The following TRABD2B variants were observed in gnomAD, a reference collection of about 807,000 sequenced individuals.
The protein encoded by TRABD2B is metalloprotease TIKI2.
TRABD2B carries 14 observed loss-of-function variants against 40.1 expected under a neutral mutation model. The ratio of observed to expected loss-of-function variants is 0.35; its 90% CI spans 0.23 to 0.55. The LOEUF (loss-of-function observed/expected upper bound fraction) is 0.55. Among genes scored for constraint, TRABD2B ranks in the 20% least tolerant of loss-of-function variants. The pLI, the probability that TRABD2B is intolerant of heterozygous loss-of-function variation, is 0.90. For synonymous variants in TRABD2B, 263 were observed against 277.0 expected, an observed-to-expected ratio of 0.95 and a Z score of 0.50; for missense variants, 541 against 648.6, an observed-to-expected ratio of 0.83 and a Z score of 1.80.
intron 2 of TRABD2B, among the ~76,000 whole-genome samples, chr1:47,888,126 G>A (rs1038928620): frequency 1.1e-4 from 16 of 152,308 alleles, no homozygotes; most frequent in African/African-American, 3.6e-4. Context: ...GTCCCCAGAC[G>A]GCTGGGGAGG....
At chr1:47,846,565 G>A (rs1307114589) in intron 2 of TRABD2B, among the ~76,000 whole-genome samples, 2 of 152,192 alleles carry the variant, frequency 1.3e-5, no homozygotes, top group Non-Finnish European at 2.9e-5. Flanking sequence ...GGGAGGTTGA[G>A]TGAGACAGTG....
rs996684632 is a variant in TRABD2B, at chr1:47,765,231, C to T, written c.*671G>A. The T allele has an allele frequency of 2.0e-5, 3 of 152,480 alleles. No individual in the cohort carries two copies. The highest frequency in any genetic ancestry group is 4.4e-5 in the Non-Finnish European group (3 of 68,280). The allele number at this position is 152,480 out of a possible 1,614,324, so 9.4% of individuals were successfully genotyped here. A position where few individuals can be genotyped will look rare whatever the true frequency, so the allele number is the denominator to read the frequency against. The stretch of plus-strand genomic sequence containing the variant: ...TGTTCTGTGGGGTGGGGACTGCTTT[C>T]CTCAGCACCAGTATCCCACCTCCCA... On this transcript the variant is annotated 3_prime_UTR_variant, in exon 7 of 7. Transcript: ENST00000606738.
At chr1:47,841,173 A>G (rs1020870979) in intron 2 of TRABD2B, among the ~76,000 whole-genome samples, 1 of 152,170 alleles carries the variant, frequency 6.6e-6, no homozygotes, top group Non-Finnish European at 1.5e-5. Flanking sequence ...CTCTCTCCAT[A>G]GCAGTAAAGC....
chr1:47,798,592 T>C (rs1644779373), intron 3 of TRABD2B, among the ~76,000 whole-genome samples: 1 of 152,218 alleles, frequency 6.6e-6, no homozygotes, highest in Admixed American at 6.5e-5. Flanking sequence ...GCACCTGTCC[T>C]GCCCTGGCCT....
At chr1:47,929,223 T>A (rs1177662360) in intron 2 of TRABD2B, among the ~76,000 whole-genome samples, 1 of 152,238 alleles carries the variant, frequency 6.6e-6, no homozygotes, top group African/African-American at 2.4e-5. Context: ...CTGAGTCTCA[T>A]GTGCCAACCC....
chr1:47,922,173 C>A (rs1644910787), intron 2 of TRABD2B, among the ~76,000 whole-genome samples: 1 of 152,220 alleles, frequency 6.6e-6, no homozygotes, highest in Non-Finnish European at 1.5e-5. Flanking sequence ...AGATAAGCAG[C>A]AGTGTGAGCT....
At chr1:47,958,742 G>A (rs941663897) in intron 2 of TRABD2B, among the ~76,000 whole-genome samples, 2 of 152,160 alleles carry the variant, frequency 1.3e-5, no homozygotes, top group African/African-American at 4.8e-5. Context: ...AGAGACTTAA[G>A]ACTCCCACAC....
At chr1:47,820,826 TCTTA>T (rs1323942500) in intron 2 of TRABD2B, among the ~76,000 whole-genome samples, 6 of 145,622 alleles carry the variant, frequency 4.1e-5, no homozygotes, top group African/African-American at 5.1e-5. Context: ...ACACACAAAA[TCTTA>T]CTTACTCTTC....
chr1:47,822,233 A>T (rs764637190), intron 2 of TRABD2B, among the ~76,000 whole-genome samples: 5 of 151,952 alleles, frequency 3.3e-5, no homozygotes, highest in Non-Finnish European at 7.4e-5. Context: ...TCCACTACAC[A>T]TTGCTTTGGG....
chr1:47,889,606 A>C (rs1644418261), intron 2 of TRABD2B, among the ~76,000 whole-genome samples: 1 of 152,224 alleles, frequency 6.6e-6, no homozygotes, highest in Non-Finnish European at 1.5e-5. Flanking sequence ...AATAAGACCC[A>C]TACAGGGTTA....
At chr1:47,989,870 C>T (rs968820643) in intron 2 of TRABD2B, among the ~76,000 whole-genome samples, 1 of 152,182 alleles carries the variant, frequency 6.6e-6, no homozygotes, top group African/African-American at 2.4e-5. Context: ...AATGGACTCA[C>T]CTGAGTTTGA....
chr1:47,837,170 C>T (rs1252971536), intron 2 of TRABD2B, among the ~76,000 whole-genome samples: 1 of 152,198 alleles, frequency 6.6e-6, no homozygotes, highest in Non-Finnish European at 1.5e-5. Context: ...GGGATGAGAA[C>T]AGTTGCTGGT....
At chr1:47,898,170 T>C (rs1049823984) in intron 2 of TRABD2B, among the ~76,000 whole-genome samples, 1 of 152,074 alleles carries the variant, frequency 6.6e-6, no homozygotes, top group Non-Finnish European at 1.5e-5. Flanking sequence ...TGGTGAGGAA[T>C]GTGGAGGAGG....
intron 2 of TRABD2B, among the ~76,000 whole-genome samples, chr1:47,921,691 T>A (rs1388258259): frequency 6.6e-6 from 1 of 152,226 alleles, no homozygotes; most frequent in Non-Finnish European, 1.5e-5. Context: ...CGAACTTTTA[T>A]TTACAAAGCA....
At chr1:47,856,765 C>G (rs1469158503) in intron 2 of TRABD2B, among the ~76,000 whole-genome samples, 1 of 152,216 alleles carries the variant, frequency 6.6e-6, no homozygotes, top group African/African-American at 2.4e-5. Flanking sequence ...ATTTATTACT[C>G]CCACAAACTC....
At chr1:47,931,134 G>T (rs552808408) in intron 2 of TRABD2B, among the ~76,000 whole-genome samples, 2 of 152,334 alleles carry the variant, frequency 1.3e-5, no homozygotes, top group South Asian at 4.1e-4. Context: ...GAACAAATGG[G>T]TGAAGGAATA....
intron 2 of TRABD2B, among the ~76,000 whole-genome samples, chr1:47,980,199 T>C (rs543190053): frequency 6.6e-6 from 1 of 152,144 alleles, no homozygotes; most frequent in East Asian, 1.9e-4. Context: ...TCAATCCGGA[T>C]CAATATCACC....
intron 2 of TRABD2B, among the ~76,000 whole-genome samples, chr1:47,963,296 G>A (rs1181895690): frequency 6.6e-6 from 1 of 152,190 alleles, no homozygotes; most frequent in Non-Finnish European, 1.5e-5. Context: ...GGTGACATCT[G>A]GACAAGGCTT....
chr1:47,934,040 T>C (rs953926275), intron 2 of TRABD2B, among the ~76,000 whole-genome samples: 1 of 152,218 alleles, frequency 6.6e-6, no homozygotes, highest in Non-Finnish European at 1.5e-5. Context: ...AAAGAAGGGG[T>C]TGGGGAAAAG....
Sources: gnomAD v4.1 joint callset for allele counts (sites outside exome capture counted in the v4.1 genomes callset) on GRCh38, gnomAD v4.1.1 for gene constraint, MANE v1.5 for transcripts, NCBI Gene and HGNC (gene_info 2026-07-23, HGNC 2026-07-21) for gene names.